LYST: variants seen among roughly 807,000 people sequenced by gnomAD.
The protein encoded by LYST is lysosomal trafficking regulator.
In LYST, 192 loss-of-function variants were observed where a neutral mutation model predicts 413.6. The observed-to-expected ratio is 0.46, with a 90% CI of 0.41 to 0.52. LYST has a LOEUF of 0.52. Ranked by LOEUF, LYST falls within the 20% of genes least tolerant of loss-of-function variation. The pLI is 0.00. For missense variants in LYST, 3,815 were observed against 4,499.9 expected, an observed-to-expected ratio of 0.85 and a Z score of 4.35; for synonymous variants, 1,525 against 1,567.3, an observed-to-expected ratio of 0.97 and a Z score of 0.64.
At chr1:235,738,889 T>C (rs1665071650) in intron 31 of LYST, 1 of 743,904 alleles carries the variant, frequency 1.3e-6, no homozygotes, top group Admixed American at 1.7e-5. Flanking sequence ...GAGAATGGAA[T>C]CTCAGACCGT....
chr1:235,673,287 C>T (rs1025591530), intron 50 of LYST, among the ~76,000 whole-genome samples: 4 of 151,984 alleles, frequency 2.6e-5, no homozygotes, highest in African/African-American at 9.7e-5. Flanking sequence ...CTAAGTCAAG[C>T]TCACCCCAAA....
rs761123844 is a variant in LYST, at chr1:235,809,407, C to A, written c.1411G>T (p.Ala471Ser). Residue 471 changes from alanine (A) to serine (S), a missense_variant, in exon 5 of 53, where the codon GCC becomes TCC. This residue lies in a region of LYST where 1,648 missense variants were observed against 1,810.3 expected (regional missense o/e 0.91). Transcript: ENST00000389793. The surrounding 1 kb of genome is among the most constrained non-coding windows in gnomAD (Gnocchi z 4.0). The part of the protein sequence containing the change: ...VPPEASEHLK[A>S]LINSVMKIMS... ...ATTTTCATCACACTATTTATTAGGG[C>A]TTTCAAATGCTCTGAGGCCTCGGGA... 3 of 1,613,954 alleles carry A rather than the reference C, an allele frequency of 1.9e-6. No individual in the cohort carries two copies. The East Asian group carries it at 6.7e-5, about 36-fold the overall frequency.
Position 235,852,033 on chromosome 1 carries a change from G to A in LYST, c.-98+14810C>T, listed in dbSNP as rs76068241. Reference sequence around the variant, plus strand: ...AAAGAAATGATAGCAGTTGTTTAGCGCCCAGGCCCTTCTTGACAAATACTG... The same window carrying A: ...AAAGAAATGATAGCAGTTGTTTAGCACCCAGGCCCTTCTTGACAAATACTG... On this transcript the variant is annotated intron_variant, in intron 1 of 52. Transcript: ENST00000389793. 2.0e-3 allele frequency among the ~76,000 whole-genome samples: 310 copies of A among 152,176 alleles called. 1 individual carries two copies. The highest frequency in any genetic ancestry group is 6.9e-3 in the African/African-American group (287 of 41,510).
At chr1:235,671,733 T>C (rs1186117969) in intron 50 of LYST, among the ~76,000 whole-genome samples, 1 of 152,136 alleles carries the variant, frequency 6.6e-6, no homozygotes, top group Non-Finnish European at 1.5e-5. Context: ...GAGAGAAGAA[T>C]AGTAAGAAGT....
Position 235,661,105 on chromosome 1 carries a change from T to A in LYST, c.*1835A>T, listed in dbSNP as rs1294481980. On this transcript the variant is annotated 3_prime_UTR_variant, in exon 53 of 53. Coordinates refer to ENST00000389793, the MANE Select transcript of LYST (RefSeq NM_000081.4). ...TATATAAAGGTAACAGAGCTTGTGA[T>A]AATTTACAGAAATGTTTGCTACAAC... 5.2e-5 allele frequency: 8 copies of A among 152,644 alleles called. No homozygotes were observed. Among genetic ancestry groups the A allele is most frequent in the African/African-American group, 1.9e-4 (8 of 41,464 alleles). The allele number at this position is 152,644 out of a possible 1,614,324, so 9.5% of individuals were successfully genotyped here. A position where few individuals can be genotyped will look rare whatever the true frequency, so the allele number is the denominator to read the frequency against.
At chr1:235,804,416 T>C (rs543888398) in intron 7 of LYST, 88 bp downstream of exon 7, 53 of 1,013,174 alleles carry the variant, frequency 5.2e-5, no homozygotes, top group East Asian at 1.4e-4. Context: ...TATGCTCTAA[T>C]GACATTCATC....
At position 235,777,439 on chromosome 1, in the gene LYST, T is replaced by C; in HGVS notation, c.5215-131A>G. The C allele has an allele frequency of 4.1e-6, 3 of 732,178 alleles. No homozygotes were observed. The East Asian group carries it at 8.1e-5, about 20-fold the overall frequency. The allele number at this position is 732,178 out of a possible 1,614,324, so 45.4% of individuals were successfully genotyped here. A position where few individuals can be genotyped will look rare whatever the true frequency, so the allele number is the denominator to read the frequency against. ...TCTTTGTTTAAAAAACAACAGCTAC[T>C]ACACTAAACAGATAAACATTAGAAG... is the stretch of plus-strand genomic sequence containing the variant. On this transcript the variant is annotated intron_variant, in intron 16 of 52. Transcript: ENST00000389793.
At chr1:235,867,087 G>A (rs1054836404), upstream of LYST, among the ~76,000 whole-genome samples, 3 of 152,198 alleles carry the variant, frequency 2.0e-5, no homozygotes, top group African/African-American at 4.8e-5. Flanking sequence ...GGCGTCGCAG[G>A]CGTGACGCGT....
At chr1:235,750,763 C>G (rs971257319) in intron 28 of LYST, among the ~76,000 whole-genome samples, 8 of 152,192 alleles carry the variant, frequency 5.3e-5, no homozygotes, top group African/African-American at 1.9e-4. Context: ...AGTTGTACAT[C>G]TCTTTTGTCC....
chr1:235,683,164 T>G (rs943093500), intron 48 of LYST, among the ~76,000 whole-genome samples: 8 of 152,250 alleles, frequency 5.3e-5, no homozygotes, highest in Admixed American at 5.2e-4. Flanking sequence ...ACTCTGCACT[T>G]TGAAATAACT....
chr1:235,790,203 T>C (rs770104371), intron 12 of LYST, among the ~76,000 whole-genome samples: 2 of 152,240 alleles, frequency 1.3e-5, no homozygotes, highest in Non-Finnish European at 1.5e-5. Context: ...ACTGTTTACA[T>C]TGAGATTGCC....
chr1:235,719,108 T>C (rs966273263), intron 40 of LYST, among the ~76,000 whole-genome samples: 22 of 152,212 alleles, frequency 1.4e-4, no homozygotes, highest in African/African-American at 5.3e-4. Context: ...AACCTCCCCA[T>C]CCCAGGTTCA....
In LYST at chr1:235,674,807, C is replaced by T. The variant is rs1659243355; in HGVS notation, c.11038+2284G>A. ...AAACAATCACAAAAGCCCTACAGGG[C>T]CTTACCACCCTAGCAAATAAATTAG... On this transcript the variant is annotated intron_variant, in intron 50 of 52. Coordinates refer to ENST00000389793, the MANE Select transcript of LYST (RefSeq NM_000081.4). The surrounding 1 kb of genome is among the most constrained non-coding windows in gnomAD (Gnocchi z 4.1). Among the ~76,000 whole-genome samples the T allele has an allele frequency of 6.6e-6, 1 of 152,168 alleles. No individual in the cohort carries two copies. The highest frequency in any genetic ancestry group is 1.5e-5 in the Non-Finnish European group (1 of 68,034).
chr1:235,766,949 A>G (rs1169067840), intron 20 of LYST, among the ~76,000 whole-genome samples: 2 of 152,086 alleles, frequency 1.3e-5, no homozygotes, highest in African/African-American at 4.8e-5. Context: ...GAGAGGTTTT[A>G]GCCCTCATTT....
chr1:235,796,589 T>C (rs925381799), intron 10 of LYST, among the ~76,000 whole-genome samples: 6 of 152,216 alleles, frequency 3.9e-5, no homozygotes, highest in Admixed American at 6.5e-5. Context: ...TGTGGTAGTG[T>C]TAAGAGATGG....
chr1:235,851,192 A>G (rs547358241), intron 1 of LYST, among the ~76,000 whole-genome samples: 9,329 of 151,956 alleles, frequency 0.061, 941 homozygotes, highest in African/African-American at 0.21. Flanking sequence ...GTGTGTGTAT[A>G]TATATATATA....
At chr1:235,878,210 G>A (rs1681224468) in intron 1 of LYST, among the ~76,000 whole-genome samples, 1 of 152,172 alleles carries the variant, frequency 6.6e-6, no homozygotes, top group Admixed American at 6.5e-5. Context: ...GAGCAGGTGA[G>A]CTCGGCCTTC....
At chr1:235,689,829 A>G (rs141401599) in intron 47 of LYST, among the ~76,000 whole-genome samples, 57 of 152,392 alleles carry the variant, frequency 3.7e-4, no homozygotes, top group African/African-American at 1.3e-3. Context: ...AAAAATAAAA[A>G]TAAGAATTTT....
chr1:235,669,846 T>C (rs889449222), intron 50 of LYST, among the ~76,000 whole-genome samples: 8 of 152,216 alleles, frequency 5.3e-5, no homozygotes, highest in African/African-American at 1.9e-4. Context: ...CAATTCTTTG[T>C]TCAAAACACC....
Sources: allele counts gnomAD v4.1 joint callset (sites outside exome capture counted in the v4.1 genomes callset), GRCh38; gene constraint gnomAD v4.1.1; regional missense constraint gnomAD v4.1.1; non-coding constraint Gnocchi (gnomAD v3.1); transcripts MANE v1.5; gene names NCBI Gene and HGNC (gene_info 2026-07-23, HGNC 2026-07-21).